FREM1: variants seen among roughly 807,000 people sequenced by gnomAD.
FREM1 encodes FRAS1-related extracellular matrix protein 1.
Under a neutral mutation model 210.1 loss-of-function variants are expected in FREM1, and 220 were observed. The observed-to-expected ratio is 1.05, with a 90% CI of 0.94 to 1.17. FREM1 has a LOEUF of 1.17. Ranked by LOEUF, FREM1 falls within the 50% of genes most tolerant of loss-of-function variation. The probability of loss-of-function intolerance (pLI) is 0.00; values close to 1 mark genes in which losing one functional copy is unlikely to be tolerated. For missense variants in FREM1, 3,454 were observed against 2,675.5 expected, an observed-to-expected ratio of 1.29 and a Z score of -6.42; for synonymous variants, 1,189 against 980.2, an observed-to-expected ratio of 1.21 and a Z score of -3.98.
At chr9:14,749,732 T>C (rs1476803726) in intron 30 of FREM1, among the ~76,000 whole-genome samples, 1 of 152,214 alleles carries the variant, frequency 6.6e-6, no homozygotes, top group Non-Finnish European at 1.5e-5. Context: ...TCTCTTAGAA[T>C]TTTCCTGGTC....
At chr9:14,828,940 A>G (rs10961737) in intron 10 of FREM1, among the ~76,000 whole-genome samples, 63,947 of 152,050 alleles carry the variant, frequency 0.42, 13,902 homozygotes, top group African/African-American at 0.54. Flanking sequence ...ATTTAACCTT[A>G]AACAAGTTAC....
rs1221505284 is a variant in FREM1, at chr9:14,851,426, G to A, written c.1010C>T (p.Thr337Ile). ...TPKPLLVFNI[T>I]KAPLQGYVTH... is the part of the protein sequence containing the mutation. ...CACATAGCCCTGGAGCGGGGCTTTA[G>A]TAATGTTGAACACCAGCAAGGGTTT... The change falls in exon 6 of 37, where the codon ACT becomes ATT. Residue 337 changes from threonine to isoleucine, a missense_variant. Physicochemically the swap from Thr to Ile is moderately conservative, Grantham distance 89. Coordinates refer to ENST00000380880, the MANE Select transcript of FREM1 (RefSeq NM_001379081.2). 4 of 1,613,826 alleles carry A rather than the reference G, an allele frequency of 2.5e-6. No individual in the cohort carries two copies. The highest frequency in any genetic ancestry group is 2.7e-5 in the African/African-American group (2 of 74,908).
chr9:14,823,654 A>C (rs1821790483), intron 12 of FREM1, among the ~76,000 whole-genome samples: 1 of 152,136 alleles, frequency 6.6e-6, no homozygotes, highest in South Asian at 2.1e-4. Context: ...GTTTATTTTA[A>C]ACCACCCAGT....
At chr9:14,832,998 G>C (rs530824483) in intron 10 of FREM1, among the ~76,000 whole-genome samples, 3 of 152,224 alleles carry the variant, frequency 2.0e-5, no homozygotes, top group African/African-American at 7.2e-5. Context: ...TTGGCTATGG[G>C]CCTCCAACTT....
At position 14,740,140 on chromosome 9, in the gene FREM1, G is replaced by C. The variant is rs562121209; in HGVS notation, c.6340+9C>G. On this transcript the variant is annotated intron_variant, in intron 36 of 36. Coordinates refer to ENST00000380880, the MANE Select transcript of FREM1 (RefSeq NM_001379081.2). The stretch of plus-strand genomic sequence containing the variant: ...CCTCCTCAGTGCAGCCTCCCTCCCA[G>C]ATACTTGCCTATCCAAAAGGACTTT... 1.9e-5 allele frequency: 30 copies of C among 1,601,214 alleles called. 1 individual carries two copies. In the South Asian group the frequency reaches 3.2e-4, roughly 17 times the overall value.
At chr9:14,745,464 G>A (rs1227356260) in intron 35 of FREM1, among the ~76,000 whole-genome samples, 1 of 152,014 alleles carries the variant, frequency 6.6e-6, no homozygotes, top group Non-Finnish European at 1.5e-5. Flanking sequence ...ATTATTGTTT[G>A]AATCGTCATT....
intron 22 of FREM1, among the ~76,000 whole-genome samples, chr9:14,792,303 C>CACACACACACAG (rs369927789): frequency 8.0e-5 from 11 of 137,762 alleles, no homozygotes; most frequent in Non-Finnish European, 1.5e-4. Flanking sequence ...CACACACACA[C>CACACACACACAG]AGAGAGAGAG....
intron 20 of FREM1, 54 bp downstream of exon 20, chr9:14,801,598 G>C (rs1301580656): frequency 8.1e-7 from 1 of 1,227,122 alleles, no homozygotes; most frequent in Non-Finnish European, 1.2e-6. Context: ...TATAAGTATG[G>C]GTTAAATTAT....
chr9:14,836,647 G>T lies in FREM1; in HGVS notation c.1881+4800C>A, dbSNP rs1824667064. 6.6e-6 allele frequency among the ~76,000 whole-genome samples: 1 copy of T among 152,110 alleles called. No individual in the cohort carries two copies. The highest frequency in any genetic ancestry group is 1.5e-5 in the Non-Finnish European group (1 of 68,024). The stretch of plus-strand genomic sequence containing the variant: ...TTGATATTTGGACGTTGTATATTCA[G>T]TACTATGACTCAAATTGTTTCTTCT... On this transcript the variant is annotated intron_variant, in intron 10 of 36. Transcript: ENST00000380880. The surrounding 1 kb of genome is among the most constrained non-coding windows in gnomAD (Gnocchi z 4.9).
At chr9:14,787,168 G>C (rs772986944) in intron 23 of FREM1, among the ~76,000 whole-genome samples, 26 of 152,174 alleles carry the variant, frequency 1.7e-4, no homozygotes, top group Non-Finnish European at 2.9e-4. Context: ...CTTTAAGGTT[G>C]TGATTAAATC....
rs1411841064 is a variant in FREM1, at chr9:14,836,747, C to G, written c.1881+4700G>C. On this transcript the variant is annotated intron_variant, in intron 10 of 36. Coordinates refer to ENST00000380880, the MANE Select transcript of FREM1 (RefSeq NM_001379081.2). This position sits in a 1 kb window ranked among gnomAD's most constrained non-coding sequence, Gnocchi z 4.9. ...TGGACATGCCATTCTTCCGAGGACC[C>G]TTAAATCAATCCCAGGAGGAGCCCT... Among the ~76,000 whole-genome samples, 1 of 152,158 alleles carries G rather than the reference C, an allele frequency of 6.6e-6. No individual in the cohort carries two copies. Among genetic ancestry groups the G allele is most frequent in the Non-Finnish European group, 1.5e-5 (1 of 68,018 alleles).
In FREM1 at chr9:14,823,140, A is replaced by G; in HGVS notation, c.2337+20T>C. 5 of 1,599,072 alleles carry G rather than the reference A, an allele frequency of 3.1e-6. No individual in the cohort carries two copies. Among genetic ancestry groups the G allele is most frequent in the Non-Finnish European group, 4.3e-6 (5 of 1,166,904 alleles). ...TTTCTTTTCCTCCTTTTCATCCTCT[A>G]TATAGAACATTGTACATACCTCAGG... On this transcript the variant is annotated intron_variant, in intron 13 of 36. Transcript: ENST00000380880.
chr9:14,772,843 G>A (rs779664819), intron 25 of FREM1, among the ~76,000 whole-genome samples: 3 of 152,168 alleles, frequency 2.0e-5, no homozygotes, highest in Non-Finnish European at 2.9e-5. Flanking sequence ...GATACTAAAT[G>A]AATAGTTGAA....
chr9:14,868,942 C>G lies in FREM1; in HGVS notation c.36G>C (p.Val12=). The G allele has an allele frequency of 1.3e-6, 2 of 1,597,232 alleles. No homozygotes were observed. The highest frequency in any genetic ancestry group is 1.3e-5 in the African/African-American group (1 of 74,738). Residue 12 remains valine (V), a synonymous_variant, in exon 2 of 37, where the codon GTG becomes GTC. Transcript: ENST00000380880. ...CCCAGGCCAGGAGGAGCAGCAGCAG[C>G]ACGGCATTCGCAGCCCCCCAACTCA... ...NSLSWGAANA[V]LLLLLLAWAS...
At chr9:14,784,666 C>A in intron 23 of FREM1, 32 bp from the exon 24 acceptor site, 3 of 1,458,480 alleles carry the variant, frequency 2.1e-6, no homozygotes, top group South Asian at 3.2e-5. Context: ...GGTCAATAAT[C>A]ATATCAAAAA....
intron 10 of FREM1, among the ~76,000 whole-genome samples, chr9:14,828,321 C>T (rs956613138): frequency 1.3e-5 from 2 of 152,084 alleles, no homozygotes; most frequent in African/African-American, 4.8e-5. Context: ...TATTGTTTGC[C>T]CTGTTGAGTT....
At chr9:14,741,564 C>T (rs1427164376) in intron 35 of FREM1, among the ~76,000 whole-genome samples, 1 of 152,172 alleles carries the variant, frequency 6.6e-6, no homozygotes, top group East Asian at 1.9e-4. Context: ...CTCCCCTCCC[C>T]AACACATCCA....
rs749103652 is a variant in FREM1, at chr9:14,808,080, T to G, written c.2948A>C (p.Asp983Ala). 5 of 1,613,490 alleles carry G rather than the reference T, an allele frequency of 3.1e-6. No homozygotes were observed. In the Admixed American group the frequency reaches 8.3e-5, roughly 27 times the overall value. ...ATTCACAAAAGGGCCAGCCTCTCCA[T>G]CCGAAACCACCAATGTAATGGTGTC... is the stretch of plus-strand genomic sequence containing the variant. ...CFDTITLVVS[D>A]GEAGPFVNGC... is the part of the protein sequence containing the mutation. Residue 983 changes from aspartate (D) to alanine (A), a missense_variant, in exon 17 of 37, where the codon GAT becomes GCT. Coordinates refer to ENST00000380880, the MANE Select transcript of FREM1 (RefSeq NM_001379081.2).
intron 22 of FREM1, chr9:14,791,248 C>T (rs555914278): frequency 2.0e-5 from 3 of 152,282 alleles, no homozygotes; most frequent in African/African-American, 7.2e-5. Context: ...TGAAATTTTG[C>T]TATTCTAGGC....
Sources: gnomAD v4.1 joint callset for allele counts (sites outside exome capture counted in the v4.1 genomes callset) on GRCh38, gnomAD v4.1.1 for gene constraint, Gnocchi (gnomAD v3.1) non-coding constraint, MANE v1.5 for transcripts, NCBI Gene and HGNC (gene_info 2026-07-23, HGNC 2026-07-21) for gene names.